CNTNAP2: variants seen among roughly 807,000 people sequenced by gnomAD.
CNTNAP2 encodes the protein contactin associated protein 2.
In CNTNAP2, 98 loss-of-function variants were observed where a neutral mutation model predicts 155.2. The observed-to-expected ratio is 0.63, with a 90% CI of 0.54 to 0.75. CNTNAP2 has a LOEUF of 0.75. Ranked by LOEUF, CNTNAP2 falls within the 30% of genes least tolerant of loss-of-function variation. The pLI is 0.00. For missense variants in CNTNAP2, 1,727 were observed against 1,688.1 expected, an observed-to-expected ratio of 1.02 and a Z score of -0.40; for synonymous variants, 651 against 631.2, an observed-to-expected ratio of 1.03 and a Z score of -0.47.
At position 147,690,205 on chromosome 7, in the gene CNTNAP2, G is replaced by A. The variant is rs575740357; in HGVS notation, c.2098+50899G>A. ...CTAACGTTACCTTGCTCGGCTGGCA[G>A]TTTCATTTCTCCAAAATGACTTTTT... is the stretch of plus-strand genomic sequence containing the variant. On this transcript the variant is annotated intron_variant, in intron 13 of 23. Coordinates refer to ENST00000361727, the MANE Select transcript of CNTNAP2 (RefSeq NM_014141.6). 6.0e-4 allele frequency among the ~76,000 whole-genome samples: 92 copies of A among 152,228 alleles called. 1 individual carries two copies. The South Asian group carries it at 0.018, about 31-fold the overall frequency.
intron 1 of CNTNAP2, among the ~76,000 whole-genome samples, chr7:146,739,941 TTATATAAA>T (rs1415828014): frequency 6.6e-6 from 1 of 152,108 alleles, no homozygotes; most frequent in East Asian, 1.9e-4. Context: ...CCATTTAATC[TTATATAAA>T]TATAGCTACT....
chr7:146,126,770 A>G (rs1797643856), intron 1 of CNTNAP2, among the ~76,000 whole-genome samples: 1 of 152,230 alleles, frequency 6.6e-6, no homozygotes, highest in Admixed American at 6.5e-5. Context: ...TTGAGAAAAT[A>G]ACTTTTTCCT....
intron 3 of CNTNAP2, among the ~76,000 whole-genome samples, chr7:146,945,034 A>G (rs1797133788): frequency 6.6e-6 from 1 of 152,176 alleles, no homozygotes; most frequent in Non-Finnish European, 1.5e-5. Flanking sequence ...CTGTTGCTAT[A>G]AAAATACTCA....
At chr7:148,192,209 G>A (rs1289453887) in intron 18 of CNTNAP2, among the ~76,000 whole-genome samples, 1 of 152,056 alleles carries the variant, frequency 6.6e-6, no homozygotes, top group African/African-American at 2.4e-5. Context: ...GAGCTTCTAA[G>A]GTCTCCATCA....
chr7:147,689,158 T>C (rs1462369817), intron 13 of CNTNAP2, among the ~76,000 whole-genome samples: 1 of 151,862 alleles, frequency 6.6e-6, no homozygotes, highest in Non-Finnish European at 1.5e-5. Flanking sequence ...CTACTTTTTT[T>C]TTTTTTTTTG....
At chr7:146,763,729 G>A (rs1802145587) in intron 1 of CNTNAP2, among the ~76,000 whole-genome samples, 1 of 152,144 alleles carries the variant, frequency 6.6e-6, no homozygotes, top group Admixed American at 6.5e-5. Context: ...TATTCTTTCA[G>A]TCATTTCTTT....
rs185223082 is a variant in CNTNAP2, at chr7:147,053,486, T to A, written c.550+9432T>A. On this transcript the variant is annotated intron_variant, in intron 4 of 23. Transcript: ENST00000361727. ...TTATATTTTGGAGAACTATTTAATA[T>A]GTCACTGATATAGAGCTAGAGTCAC... Among the ~76,000 whole-genome samples the A allele has an allele frequency of 8.5e-4, 130 of 152,236 alleles. 1 individual carries two copies. The highest frequency in any genetic ancestry group is 7.4e-4 in the Non-Finnish European group (50 of 67,974).
chr7:147,534,667 A>C (rs1459999247), intron 11 of CNTNAP2, among the ~76,000 whole-genome samples: 1 of 152,216 alleles, frequency 6.6e-6, no homozygotes, highest in Non-Finnish European at 1.5e-5. Context: ...TTTAAAGTTT[A>C]AAGTGGCCTT....
At chr7:147,505,253 T>C (rs1374165791) in intron 11 of CNTNAP2, among the ~76,000 whole-genome samples, 4 of 152,158 alleles carry the variant, frequency 2.6e-5, no homozygotes, top group Non-Finnish European at 4.4e-5. Context: ...TTAAAGGTGT[T>C]GGGAAAGAAA....
At chr7:146,837,630 A>G (rs552474419) in intron 2 of CNTNAP2, among the ~76,000 whole-genome samples, 1 of 152,194 alleles carries the variant, frequency 6.6e-6, no homozygotes, top group South Asian at 2.1e-4. Flanking sequence ...CAGTTGATAT[A>G]CTTGACATTA....
intron 10 of CNTNAP2, among the ~76,000 whole-genome samples, chr7:147,429,011 G>A (rs1462943359): frequency 2.6e-5 from 4 of 152,038 alleles, no homozygotes; most frequent in Non-Finnish European, 5.9e-5. Context: ...CTGTTTATAA[G>A]TGAGAATATA....
intron 4 of CNTNAP2, among the ~76,000 whole-genome samples, chr7:147,083,618 AAAAT>A (rs1391152581): frequency 1.4e-5 from 2 of 145,970 alleles, no homozygotes; most frequent in East Asian, 4.0e-4. Flanking sequence ...CTATATATAA[AAAAT>A]ATATCTGTAT....
Position 147,356,332 on chromosome 7 carries a change from A to C in CNTNAP2, c.1499-39277A>C, listed in dbSNP as rs563153867. 4.4e-4 allele frequency among the ~76,000 whole-genome samples: 67 copies of C among 152,252 alleles called. 2 individuals carry two copies. The highest frequency in any genetic ancestry group is 3.1e-3 in the South Asian group (15 of 4,828). ...CAAACCCACAGCCAATATCATATTG[A>C]ATGGGCAAAAACTGGAAGCATCCCC... On this transcript the variant is annotated intron_variant, in intron 9 of 23. Transcript: ENST00000361727.
intron 10 of CNTNAP2, among the ~76,000 whole-genome samples, chr7:147,456,088 A>C (rs746837099): frequency 1.3e-5 from 2 of 152,170 alleles, no homozygotes; most frequent in South Asian, 4.1e-4. Context: ...TTGTATATAT[A>C]GTTTTGTTTA....
chr7:146,725,941 T>G (rs1801424505), intron 1 of CNTNAP2, among the ~76,000 whole-genome samples: 1 of 152,206 alleles, frequency 6.6e-6, no homozygotes, highest in African/African-American at 2.4e-5. Context: ...CAGCTCTGCA[T>G]GAATTAAGCT....
intron 4 of CNTNAP2, among the ~76,000 whole-genome samples, chr7:147,085,273 C>T (rs1163944832): frequency 6.6e-6 from 1 of 152,082 alleles, no homozygotes; most frequent in African/African-American, 2.4e-5. Context: ...TCCCAGCCTC[C>T]AGGCCACGGA....
At chr7:146,871,764 CA>C (rs1283455846) in intron 3 of CNTNAP2, among the ~76,000 whole-genome samples, 1 of 151,708 alleles carries the variant, frequency 6.6e-6, no homozygotes, top group Non-Finnish European at 1.5e-5. Flanking sequence ...TTTATTATTT[CA>C]AAAAAACTAT....
At position 146,269,068 on chromosome 7, in the gene CNTNAP2, G is replaced by T. The variant is rs74549736; in HGVS notation, c.97+152095G>T. Reference sequence around the variant, plus strand: ...GGGGACATAAGAGGGTGGGCCAGGTGGGGTGGCTCACGCCTGTAATCCCAG... The same window carrying T: ...GGGGACATAAGAGGGTGGGCCAGGTTGGGTGGCTCACGCCTGTAATCCCAG... On this transcript the variant is annotated intron_variant, in intron 1 of 23. Coordinates refer to ENST00000361727, the MANE Select transcript of CNTNAP2 (RefSeq NM_014141.6). Among the ~76,000 whole-genome samples, 667 of 152,274 alleles carry T rather than the reference G, an allele frequency of 4.4e-3. 6 individuals are homozygous for T. Among genetic ancestry groups the T allele is most frequent in the African/African-American group, 0.015 (640 of 41,558 alleles).
intron 11 of CNTNAP2, among the ~76,000 whole-genome samples, chr7:147,508,202 T>C (rs1473274333): frequency 6.6e-6 from 1 of 152,174 alleles, no homozygotes; most frequent in Non-Finnish European, 1.5e-5. Context: ...TGTCTCTAGA[T>C]CCTAGCCATT....
Sources: gnomAD v4.1 joint callset for allele counts (sites outside exome capture counted in the v4.1 genomes callset) on GRCh38, gnomAD v4.1.1 for gene constraint, MANE v1.5 for transcripts, NCBI Gene and HGNC (gene_info 2026-07-23, HGNC 2026-07-21) for gene names.